The following CNTN5 variants were observed in gnomAD, a reference collection of about 807,000 sequenced individuals.
The protein encoded by CNTN5 is contactin-5.
In CNTN5, 77 loss-of-function variants were observed where a neutral mutation model predicts 129.1. That is an observed-to-expected ratio of 0.60 (90% CI 0.50 to 0.72). The LOEUF is 0.72. Ranked by LOEUF, CNTN5 falls within the 30% of genes least tolerant of loss-of-function variation. The pLI is 0.00. For missense variants in CNTN5, 1,478 were observed against 1,328.8 expected (o/e 1.11, Z -1.75); for synonymous variants, 509 against 465.6 (o/e 1.09, Z -1.20).
Position 99,255,436 on chromosome 11 carries a change from C to T in CNTN5, c.-209-69910C>T, listed in dbSNP as rs371709629. ...ACAAAGTGAAGAAAGCTTTTACCAA[C>T]GTAAATTCTGTTTAAAGATTTTAGA... On this transcript the variant is annotated intron_variant, in intron 1 of 24. Transcript: ENST00000524871. Among the ~76,000 whole-genome samples the T allele has an allele frequency of 3.3e-5, 5 of 151,206 alleles. No individual in the cohort carries two copies. In the East Asian group the frequency reaches 5.8e-4, roughly 18 times the overall value.
At chr11:99,893,093 A>G (rs1949107898) in intron 6 of CNTN5, among the ~76,000 whole-genome samples, 1 of 152,202 alleles carries the variant, frequency 6.6e-6, no homozygotes, top group African/African-American at 2.4e-5. Flanking sequence ...TGAGATCAAC[A>G]CTGAAATATA....
chr11:99,830,663 A>G (rs760587989), intron 4 of CNTN5, among the ~76,000 whole-genome samples: 1 of 152,184 alleles, frequency 6.6e-6, no homozygotes, highest in African/African-American at 2.4e-5. Context: ...CAATTTAAAA[A>G]TTGAGACCAT....
rs568195275 is a variant in CNTN5 at position 99,996,153 on chromosome 11, G to A, written c.878-5881G>A. Among the ~76,000 whole-genome samples, 3 of 152,042 alleles carry A rather than the reference G, an allele frequency of 2.0e-5. No individual in the cohort carries two copies. The South Asian group carries it at 6.2e-4, about 32-fold the overall frequency. ...TGACACTGCCCATGCCCTTATTCCT[G>A]TACCTCATTGTCTGCCGAGTTTTGC... On this transcript the variant is annotated intron_variant, in intron 8 of 24. Coordinates refer to ENST00000524871, the MANE Select transcript of CNTN5 (RefSeq NM_014361.4).
chr11:99,436,545 T>C (rs747097717), intron 2 of CNTN5, among the ~76,000 whole-genome samples: 2 of 152,180 alleles, frequency 1.3e-5, no homozygotes, highest in African/African-American at 2.4e-5. Context: ...TTCAAAGTAA[T>C]TGGTGTTCAT....
chr11:99,342,797 T>A (rs373745224), intron 2 of CNTN5, among the ~76,000 whole-genome samples: 2 of 151,968 alleles, frequency 1.3e-5, no homozygotes, highest in East Asian at 1.9e-4. Flanking sequence ...GTTATTATAC[T>A]GTTTATTTTT....
At chr11:99,048,095 G>A (rs1333283943) in intron 1 of CNTN5, among the ~76,000 whole-genome samples, 1 of 151,690 alleles carries the variant, frequency 6.6e-6, no homozygotes, top group East Asian at 1.9e-4. Flanking sequence ...AAAAAATCAT[G>A]GCATCCTATT....
At chr11:99,614,392 T>C (rs989539896) in intron 3 of CNTN5, among the ~76,000 whole-genome samples, 9 of 152,206 alleles carry the variant, frequency 5.9e-5, no homozygotes, top group African/African-American at 2.2e-4. Flanking sequence ...TATTTTGCTT[T>C]TTTCATTGCA....
At chr11:99,429,360 A>G (rs1414053120) in intron 2 of CNTN5, among the ~76,000 whole-genome samples, 2 of 152,232 alleles carry the variant, frequency 1.3e-5, no homozygotes, top group Non-Finnish European at 2.9e-5. Flanking sequence ...TGATAGACTC[A>G]TAAGACTTTT....
intron 8 of CNTN5, among the ~76,000 whole-genome samples, chr11:99,994,791 C>T (rs1192581379): frequency 2.0e-5 from 3 of 152,118 alleles, no homozygotes; most frequent in African/African-American, 7.2e-5. Context: ...AGTAAGAGAG[C>T]ATTAAAGATA....
chr11:100,158,009 T>A (rs937187332), intron 13 of CNTN5, among the ~76,000 whole-genome samples: 1 of 150,922 alleles, frequency 6.6e-6, no homozygotes, highest in East Asian at 2.0e-4. Context: ...AGCAGAAAAA[T>A]TTAAAAAGAG....
At chr11:99,652,970 A>G (rs1038541339) in intron 3 of CNTN5, among the ~76,000 whole-genome samples, 24 of 152,132 alleles carry the variant, frequency 1.6e-4, no homozygotes, top group Non-Finnish European at 3.2e-4. Context: ...TCAAGAATAT[A>G]TAAACCTTGG....
At chr11:99,842,048 A>G (rs1284072835) in intron 4 of CNTN5, among the ~76,000 whole-genome samples, 1 of 151,820 alleles carries the variant, frequency 6.6e-6, no homozygotes, top group African/African-American at 2.4e-5. Flanking sequence ...CCCACGCACC[A>G]CCACGCCCAG....
rs1196903781 is a variant in CNTN5 at position 99,058,993 on chromosome 11, T to A, written c.-210+37723T>A. Among the ~76,000 whole-genome samples, 18 of 149,752 alleles carry A rather than the reference T, an allele frequency of 1.2e-4. No homozygotes were observed. The Admixed American group carries it at 1.2e-3, about 10-fold the overall frequency. ...ATACACATACATACATATATAATAA[T>A]GTATATATAACTTGATTAATAAAGG... On this transcript the variant is annotated intron_variant, in intron 1 of 24. Transcript: ENST00000524871.
intron 1 of CNTN5, among the ~76,000 whole-genome samples, chr11:99,231,100 A>C (rs1030262182): frequency 3.3e-5 from 5 of 152,140 alleles, no homozygotes; most frequent in African/African-American, 1.2e-4. Flanking sequence ...TTTGAATAGT[A>C]CTGCAATAAA....
At chr11:99,100,901 A>G (rs776486885) in intron 1 of CNTN5, among the ~76,000 whole-genome samples, 4 of 152,236 alleles carry the variant, frequency 2.6e-5, no homozygotes, top group Non-Finnish European at 5.9e-5. Context: ...ATGTGCTGAA[A>G]TATATTTCTT....
At chr11:100,214,650 C>T (rs1188942489) in intron 15 of CNTN5, among the ~76,000 whole-genome samples, 1 of 152,190 alleles carries the variant, frequency 6.6e-6, no homozygotes, top group African/African-American at 2.4e-5. Context: ...CCTTGAGGCC[C>T]TTCCAGCTTT....
chr11:100,001,309 T>C (rs1299295595), intron 8 of CNTN5, among the ~76,000 whole-genome samples: 1 of 152,098 alleles, frequency 6.6e-6, no homozygotes, highest in African/African-American at 2.4e-5. Flanking sequence ...GTGAGAACTC[T>C]CTTACTATCA....
rs185288853 is a variant in CNTN5, at chr11:99,742,966, C to T, written c.56-76578C>T. 1.7e-3 allele frequency among the ~76,000 whole-genome samples: 258 copies of T among 152,292 alleles called. 1 individual carries two copies. The highest frequency in any genetic ancestry group is 5.7e-3 in the African/African-American group (235 of 41,568). On this transcript the variant is annotated intron_variant, in intron 3 of 24. Coordinates refer to ENST00000524871, the MANE Select transcript of CNTN5 (RefSeq NM_014361.4). ...TCTCACAGAGGACTTTACCTACTGA[C>T]ATGTTTATCTTAGCTTGTGTGGCTA... is the stretch of plus-strand genomic sequence containing the variant.
intron 3 of CNTN5, among the ~76,000 whole-genome samples, chr11:99,719,611 C>T (rs892160113): frequency 2.6e-5 from 4 of 151,892 alleles, no homozygotes; most frequent in African/African-American, 9.7e-5. Flanking sequence ...AAATTAACAA[C>T]CTAACTTCAC....
Sources: allele counts gnomAD v4.1 joint callset (sites outside exome capture counted in the v4.1 genomes callset), GRCh38; gene constraint gnomAD v4.1.1; transcripts MANE v1.5; gene names NCBI Gene and HGNC (gene_info 2026-07-23, HGNC 2026-07-21).